Variants in EFCAB6 observed in about 807,000 individuals in gnomAD.
The protein encoded by EFCAB6 is EF-hand calcium binding domain 6, also known as EF-hand calcium-binding domain-containing protein 6.
In EFCAB6, 156 loss-of-function variants were observed where a neutral mutation model predicts 169.8. The ratio of observed to expected loss-of-function variants is 0.92; its 90% CI spans 0.81 to 1.05. EFCAB6 has a LOEUF of 1.05. Among genes scored for constraint, EFCAB6 ranks in the 50% least tolerant of loss-of-function variants. The pLI is 0.00. For missense variants in EFCAB6, 1,800 were observed against 1,829.1 expected, an observed-to-expected ratio of 0.98 and a Z score of 0.29; for synonymous variants, 698 against 676.4, an observed-to-expected ratio of 1.03 and a Z score of -0.50.
rs540452709 is a variant in EFCAB6, at chr22:43,534,072, G to T, written c.4233+616C>A. On this transcript the variant is annotated intron_variant, in intron 30 of 31. Coordinates refer to ENST00000262726, the MANE Select transcript of EFCAB6 (RefSeq NM_022785.4). ...GTTCAAGACCAGCCTGGGCAACATG[G>T]CAAAACTCTGTGCTATGGTTTGACT... 1.1e-4 allele frequency among the ~76,000 whole-genome samples: 17 copies of T among 152,298 alleles called. No homozygotes were observed. In the South Asian group the frequency reaches 3.5e-3, roughly 32 times the overall value.
rs373178351 is a variant in EFCAB6 at position 43,736,009 on chromosome 22, G to C, written c.508-16C>G. On this transcript the variant is annotated splice_polypyrimidine_tract_variant and intron_variant, in intron 6 of 31. Coordinates refer to ENST00000262726, the MANE Select transcript of EFCAB6 (RefSeq NM_022785.4). Reference sequence around the variant, plus strand: ...TTTTGAAAACCTATGTACAAAAAGTGATTTAGGAAAAGTCAAAAGATCTAG... The same window carrying C: ...TTTTGAAAACCTATGTACAAAAAGTCATTTAGGAAAAGTCAAAAGATCTAG... 32 of 1,591,708 alleles carry C rather than the reference G, an allele frequency of 2.0e-5. No homozygotes were observed. The highest frequency in any genetic ancestry group is 2.5e-5 in the Non-Finnish European group (29 of 1,171,724).
At chr22:43,756,197 G>C (rs754939270) in intron 5 of EFCAB6, among the ~76,000 whole-genome samples, 26 of 152,270 alleles carry the variant, frequency 1.7e-4, no homozygotes, top group African/African-American at 6.0e-4. Context: ...CTGCTTTACC[G>C]AGGAGACTGA....
At chr22:43,590,426 TTTC>T (rs758901414) in intron 23 of EFCAB6, among the ~76,000 whole-genome samples, 197 bp from the exon 24 acceptor site, 4 of 152,164 alleles carry the variant, frequency 2.6e-5, no homozygotes, top group Non-Finnish European at 5.9e-5. Context: ...TCATTATCAT[TTTC>T]TTATTACCAT....
intron 21 of EFCAB6, among the ~76,000 whole-genome samples, chr22:43,612,068 C>A (rs572126434): frequency 6.6e-6 from 1 of 152,256 alleles, no homozygotes; most frequent in Non-Finnish European, 1.5e-5. Flanking sequence ...AGAAAGGATT[C>A]CCCTATTCAA....
At chr22:43,669,591 A>G (rs1189758334) in intron 15 of EFCAB6, among the ~76,000 whole-genome samples, 4 of 152,308 alleles carry the variant, frequency 2.6e-5, no homozygotes, top group Non-Finnish European at 5.9e-5. Context: ...TGAATTGCTA[A>G]AGGGCATATG....
chr22:43,668,995 T>C lies in EFCAB6; in HGVS notation c.1691A>G (p.Lys564Arg), dbSNP rs1227038887. The C allele has an allele frequency of 1.2e-6, 2 of 1,612,308 alleles. No homozygotes were observed. The highest frequency in any genetic ancestry group is 4.5e-5 in the East Asian group (2 of 44,812). ...DIGSGRILYK[K>R]LLACIGIDGP... ...ATCAATTCCTATGCATGCCAAAAGT[T>C]TCTTGTAAAGGATTCTTCCTGAACC... Residue 564 changes from lysine to arginine, a missense_variant, in exon 16 of 32, where the codon AAA (lysine) becomes AGA (arginine). By Grantham distance (26) the Lys-to-Arg change is conservative (BLOSUM62 2). Transcript: ENST00000262726.
chr22:43,532,789 G>T (rs1272202988), intron 30 of EFCAB6, among the ~76,000 whole-genome samples: 3 of 152,300 alleles, frequency 2.0e-5, no homozygotes, highest in East Asian at 3.9e-4. Context: ...GCCCAGGCAG[G>T]TGTGGCCCTT....
At chr22:43,596,487 T>A (rs772264628) in intron 23 of EFCAB6, among the ~76,000 whole-genome samples, 11 of 151,846 alleles carry the variant, frequency 7.2e-5, no homozygotes, top group Non-Finnish European at 1.6e-4. Flanking sequence ...AATAAAGCAA[T>A]CTCATTTACA....
chr22:43,736,855 C>G (rs112671104), intron 6 of EFCAB6, among the ~76,000 whole-genome samples: 1 of 152,094 alleles, frequency 6.6e-6, no homozygotes, highest in Non-Finnish European at 1.5e-5. Flanking sequence ...ACTGCTGACT[C>G]TGCACAATCC....
At chr22:43,555,831 A>G (rs897730393) in intron 26 of EFCAB6, among the ~76,000 whole-genome samples, 1 of 152,204 alleles carries the variant, frequency 6.6e-6, no homozygotes, top group African/African-American at 2.4e-5. Context: ...GCACCTAGCC[A>G]GGGCTCAGAG....
At position 43,537,602 on chromosome 22, in the gene EFCAB6, C is replaced by CA; in HGVS notation, c.3880-58dup. ...ACTTAAGATTTAAAACGGAAGTCATCAAAAATACCTCAATACCTCCAGTTT... is the reference window on the plus strand; with the variant it reads ...ACTTAAGATTTAAAACGGAAGTCATCAAAAAATACCTCAATACCTCCAGTTT... On this transcript the variant is annotated intron_variant, in intron 28 of 31. Transcript: ENST00000262726. This position sits in a 1 kb window ranked among gnomAD's most constrained non-coding sequence, Gnocchi z 4.3. 5 of 1,547,590 alleles carry CA rather than the reference C, an allele frequency of 3.2e-6. No individual in the cohort carries two copies. The highest frequency in any genetic ancestry group is 3.5e-6 in the Non-Finnish European group (4 of 1,144,292).
intron 17 of EFCAB6, among the ~76,000 whole-genome samples, chr22:43,645,562 C>T (rs1161709849): frequency 6.6e-6 from 1 of 152,130 alleles, no homozygotes; most frequent in South Asian, 2.1e-4. Flanking sequence ...TTTTATAAAC[C>T]ATTTACTATG....
At chr22:43,644,115 C>T (rs748455456) in intron 17 of EFCAB6, among the ~76,000 whole-genome samples, 17 of 152,084 alleles carry the variant, frequency 1.1e-4, no homozygotes, top group Non-Finnish European at 2.1e-4. Context: ...TGGCTGCGTG[C>T]GGGTTGACTG....
chr22:43,658,965 T>C (rs1483649476), intron 17 of EFCAB6, among the ~76,000 whole-genome samples: 2 of 152,216 alleles, frequency 1.3e-5, no homozygotes, highest in Non-Finnish European at 2.9e-5. Context: ...CCTCAGCCCC[T>C]GAACAAGGAT....
At chr22:43,573,788 T>C (rs548867991) in intron 26 of EFCAB6, among the ~76,000 whole-genome samples, 6 of 148,266 alleles carry the variant, frequency 4.0e-5, no homozygotes, top group East Asian at 2.0e-4. Flanking sequence ...GTATTAATAC[T>C]AGTTGTCCCA....
At chr22:43,685,109 T>C (rs2058142103) in intron 11 of EFCAB6, among the ~76,000 whole-genome samples, 1 of 152,214 alleles carries the variant, frequency 6.6e-6, no homozygotes, top group African/African-American at 2.4e-5. Context: ...CACAGCATAG[T>C]TGCATCATGT....
Position 43,683,795 on chromosome 22 carries a change from A to G in EFCAB6, c.1203T>C (p.Thr401=), listed in dbSNP as rs1371185361. 11 of 1,613,696 alleles carry G rather than the reference A, an allele frequency of 6.8e-6. 1 individual carries two copies. In the East Asian group the frequency reaches 2.4e-4, roughly 36 times the overall value. ...ENIITKLFRH[T]EDHSASLKKA... ...TCTTCAGTGACGCAGAGTGATCTTC[A>G]GTGTGTCTAAATAACTTTGTGATGA... Residue 401 remains threonine (T), a synonymous_variant, in exon 12 of 32, where the codon ACT becomes ACC. Coordinates refer to ENST00000262726, the MANE Select transcript of EFCAB6 (RefSeq NM_022785.4).
At chr22:43,618,999 A>AT (rs1045350211) in intron 20 of EFCAB6, among the ~76,000 whole-genome samples, 1 of 151,774 alleles carries the variant, frequency 6.6e-6, no homozygotes, top group Non-Finnish European at 1.5e-5. Flanking sequence ...AAAACCTAAG[A>AT]TTTTCTAGCC....
At position 43,667,139 on chromosome 22, in the gene EFCAB6, G is replaced by C. The variant is rs376735118; in HGVS notation, c.1948C>G (p.Pro650Ala). Residue 650 changes from proline to alanine, a missense_variant, in exon 17 of 32, where the codon CCT (proline) becomes GCT (alanine). By Grantham distance (27) the Pro-to-Ala change is conservative. Transcript: ENST00000262726. ...TCATGCACGTTAATTTTTCCATTAG[G>C]CTCCTTGCTGAAGTCAAGAAATCGT... ...KKRFLDFSKE[P>A]NGKINVHDFK... is the part of the protein sequence containing the mutation. 6.1e-5 allele frequency: 99 copies of C among 1,613,778 alleles called. No homozygotes were observed. In the African/African-American group the frequency reaches 1.2e-3, roughly 19 times the overall value.
Sources: gnomAD v4.1 joint callset for allele counts (sites outside exome capture counted in the v4.1 genomes callset) on GRCh38, gnomAD v4.1.1 for gene constraint, Gnocchi (gnomAD v3.1) non-coding constraint, MANE v1.5 for transcripts, NCBI Gene and HGNC (gene_info 2026-07-23, HGNC 2026-07-21) for gene names.